FLACC1: variants seen among roughly 807,000 people sequenced by gnomAD.
The protein encoded by FLACC1 is flagellum-associated coiled-coil domain-containing protein 1.
Under a neutral mutation model 62.8 loss-of-function variants are expected in FLACC1, and 66 were observed. The observed-to-expected ratio is 1.05, with a 90% CI of 0.86 to 1.29. FLACC1 has a LOEUF of 1.29. FLACC1 is among the 50% of genes most tolerant of loss of function. The probability of loss-of-function intolerance (pLI) is 0.00; values close to 1 mark genes in which losing one functional copy is unlikely to be tolerated. For synonymous variants in FLACC1, 156 were observed against 161.0 expected (o/e 0.97, Z 0.24); for missense variants, 452 against 489.1 (o/e 0.92, Z 0.71).
chr2:201,309,115 A>G (rs1310718815), intron 10 of FLACC1, 36 bp downstream of exon 10: 1 of 1,563,984 alleles, frequency 6.4e-7, no homozygotes, highest in Non-Finnish European at 8.8e-7. Flanking sequence ...TTTTTAATGC[A>G]CTTGTCATCA....
intron 9 of FLACC1, among the ~76,000 whole-genome samples, chr2:201,318,736 C>CAT (rs901692334): frequency 3.9e-5 from 6 of 151,954 alleles, no homozygotes; most frequent in Non-Finnish European, 1.5e-5. Flanking sequence ...TCAGAAATTC[C>CAT]ATATATATAT....
chr2:201,311,214 G>T (rs886683509), intron 9 of FLACC1, among the ~76,000 whole-genome samples: 6 of 148,492 alleles, frequency 4.0e-5, no homozygotes, highest in African/African-American at 1.5e-4. Flanking sequence ...TCTACCAAAA[G>T]TACAGAGAAG....
intron 9 of FLACC1, among the ~76,000 whole-genome samples, chr2:201,315,340 T>G (rs1950289738): frequency 6.6e-6 from 1 of 151,956 alleles, no homozygotes. Flanking sequence ...CTCATAAACT[T>G]AAGGAAAGGG....
chr2:201,304,386 A>T (rs368729579), intron 11 of FLACC1, among the ~76,000 whole-genome samples: 1 of 152,180 alleles, frequency 6.6e-6, no homozygotes, highest in Non-Finnish European at 1.5e-5. Flanking sequence ...GATGTGAAGG[A>T]CCTCTTCAAG....
chr2:201,321,589 G>A (rs1381015591), intron 9 of FLACC1, among the ~76,000 whole-genome samples: 1 of 152,138 alleles, frequency 6.6e-6, no homozygotes, highest in Non-Finnish European at 1.5e-5. Context: ...AGACATCAGG[G>A]TGACTGCATC....
chr2:201,309,641 G>A (rs1950175077), intron 9 of FLACC1, among the ~76,000 whole-genome samples: 1 of 152,046 alleles, frequency 6.6e-6, no homozygotes, highest in Non-Finnish European at 1.5e-5. Context: ...GGGCGCAGTG[G>A]CTCACACCTG....
intron 9 of FLACC1, among the ~76,000 whole-genome samples, chr2:201,322,134 T>C (rs553568420): frequency 1.3e-5 from 2 of 151,898 alleles, no homozygotes; most frequent in Admixed American, 6.5e-5. Flanking sequence ...TTGGGTGTGG[T>C]GGCAGGCACC....
chr2:201,329,992 T>C (rs1950560387), intron 9 of FLACC1, among the ~76,000 whole-genome samples: 1 of 152,108 alleles, frequency 6.6e-6, no homozygotes, highest in Admixed American at 6.5e-5. Context: ...TGCCCAATAA[T>C]AGGGGAACAG....
At chr2:201,312,775 T>C (rs1228325566) in intron 9 of FLACC1, among the ~76,000 whole-genome samples, 4 of 152,208 alleles carry the variant, frequency 2.6e-5, no homozygotes, top group African/African-American at 9.6e-5. Context: ...ATCGTGAACT[T>C]TTGCTCCAGA....
At chr2:201,313,453 C>A (rs1950253514) in intron 9 of FLACC1, among the ~76,000 whole-genome samples, 1 of 152,096 alleles carries the variant, frequency 6.6e-6, no homozygotes, top group African/African-American at 2.4e-5. Flanking sequence ...CCCCTACTTC[C>A]CTGACAACCT....
chr2:201,356,812 A>AT lies in FLACC1; in HGVS notation c.-48+169dup, dbSNP rs5837768. ...GAGGGGTGTGTGAGTGTGTGTAAGG[A>AT]TTTTTTCTCCCCCTTTTTTCCCTTT... On this transcript the variant is annotated intron_variant, in intron 1 of 14. Coordinates refer to ENST00000392257, the MANE Select transcript of FLACC1 (RefSeq NM_001127391.3). 6.8e-4 allele frequency among the ~76,000 whole-genome samples: 104 copies of AT among 151,840 alleles called. 1 individual carries two copies. The highest frequency in any genetic ancestry group is 2.3e-3 in the African/African-American group (95 of 41,376).
intron 12 of FLACC1, among the ~76,000 whole-genome samples, chr2:201,291,897 G>A (rs906379037): frequency 3.4e-4 from 52 of 152,266 alleles, no homozygotes; most frequent in African/African-American, 1.0e-3. Context: ...CTCAGTAGCC[G>A]ATTCGATCAA....
chr2:201,306,927 T>C (rs1408205158), intron 11 of FLACC1, among the ~76,000 whole-genome samples: 1 of 152,116 alleles, frequency 6.6e-6, no homozygotes, highest in Non-Finnish European at 1.5e-5. Context: ...AATAAGCATA[T>C]GAGAAAATGC....
chr2:201,306,640 A>T (rs573268074), intron 11 of FLACC1, among the ~76,000 whole-genome samples: 12 of 152,326 alleles, frequency 7.9e-5, no homozygotes, highest in African/African-American at 2.6e-4. Flanking sequence ...TATAGAGAGG[A>T]CACAAAAATC....
intron 14 of FLACC1, 84 bp from the exon 15 acceptor site, chr2:201,288,865 G>A: frequency 1.3e-6 from 2 of 1,494,458 alleles, no homozygotes; most frequent in Non-Finnish European, 1.8e-6. Flanking sequence ...GGAGAGAAAT[G>A]TGCCTTCGTT....
chr2:201,306,089 A>T (rs114400316), intron 11 of FLACC1, among the ~76,000 whole-genome samples: 3,419 of 127,098 alleles, frequency 0.027, 127 homozygotes, highest in African/African-American at 0.086. Flanking sequence ...ATAATAAATT[A>T]AAAAAAGAAT....
upstream of FLACC1, among the ~76,000 whole-genome samples, chr2:201,358,608 G>A (rs1250514718): frequency 3.3e-5 from 5 of 151,682 alleles, no homozygotes; most frequent in South Asian, 4.2e-4. Context: ...TAGTAGAGAC[G>A]GGGTTTCACC....
intron 9 of FLACC1, among the ~76,000 whole-genome samples, chr2:201,327,123 T>C (rs531774688): frequency 1.1e-3 from 173 of 152,228 alleles, no homozygotes; most frequent in Non-Finnish European, 1.9e-3. Flanking sequence ...AAGCCACATG[T>C]AGAAAAATGA....
At chr2:201,311,523 C>G (rs1296217318) in intron 9 of FLACC1, among the ~76,000 whole-genome samples, 1 of 151,754 alleles carries the variant, frequency 6.6e-6, no homozygotes, top group Non-Finnish European at 1.5e-5. Context: ...GGAGTTTAAG[C>G]AACATGATAT....
Sources: allele counts gnomAD v4.1 joint callset (sites outside exome capture counted in the v4.1 genomes callset), GRCh38; gene constraint gnomAD v4.1.1; transcripts MANE v1.5; gene names NCBI Gene and HGNC (gene_info 2026-07-23, HGNC 2026-07-21).